The following CNNM1 variants were observed in gnomAD, a reference collection of about 807,000 sequenced individuals.
The protein encoded by CNNM1 is metal transporter CNNM1.
Under a neutral mutation model 78.8 loss-of-function variants are expected in CNNM1, and 44 were observed. The observed-to-expected ratio is 0.56, with a 90% CI of 0.44 to 0.72. The LOEUF (loss-of-function observed/expected upper bound fraction) is 0.72. Ranked by LOEUF, CNNM1 falls within the 30% of genes least tolerant of loss-of-function variation. The pLI is 0.00. For missense variants in CNNM1, 1,101 were observed against 1,292.2 expected (o/e 0.85, Z 2.27); for synonymous variants, 584 against 581.5 (o/e 1.00, Z -0.06).
At chr10:99,372,993 C>A (rs2031852984) in intron 6 of CNNM1, among the ~76,000 whole-genome samples, 1 of 152,108 alleles carries the variant, frequency 6.6e-6, no homozygotes, top group African/African-American at 2.4e-5. Flanking sequence ...CTCCTCCCAG[C>A]ACAATAGTGA....
intron 10 of CNNM1, 92 bp from the exon 11 acceptor site, chr10:99,391,345 C>T (rs2032466292): frequency 2.1e-6 from 2 of 939,690 alleles, no homozygotes; most frequent in East Asian, 5.2e-5. Context: ...GTCTCCATTT[C>T]TGCTTCTGTT....
intron 9 of CNNM1, among the ~76,000 whole-genome samples, chr10:99,389,318 G>C (rs968432039): frequency 6.6e-6 from 1 of 150,884 alleles, no homozygotes; most frequent in African/African-American, 2.4e-5. Flanking sequence ...TCGGAAGGCT[G>C]AGGCAGGAGA....
intron 6 of CNNM1, among the ~76,000 whole-genome samples, chr10:99,371,163 C>T (rs537677177): frequency 1.3e-5 from 2 of 152,248 alleles, no homozygotes; most frequent in East Asian, 1.9e-4. Flanking sequence ...ATCTGGTGCT[C>T]GCACTAGATT....
intron 1 of CNNM1, among the ~76,000 whole-genome samples, chr10:99,340,457 C>T (rs2030389919): frequency 6.6e-6 from 1 of 152,140 alleles, no homozygotes; most frequent in African/African-American, 2.4e-5. Context: ...TGAAGAATAT[C>T]ATAGCTCATC....
At chr10:99,335,323 G>T (rs767278300) in intron 1 of CNNM1, among the ~76,000 whole-genome samples, 2 of 152,132 alleles carry the variant, frequency 1.3e-5, no homozygotes, top group Non-Finnish European at 2.9e-5. Context: ...AGAGGAAAAT[G>T]GTCTTTCACA....
intron 1 of CNNM1, among the ~76,000 whole-genome samples, chr10:99,352,404 A>G (rs1254934838): frequency 2.6e-5 from 4 of 152,234 alleles, no homozygotes; most frequent in Admixed American, 2.0e-4. Flanking sequence ...TCATTTCTCT[A>G]AAAGTAGAAT....
intron 1 of CNNM1, among the ~76,000 whole-genome samples, chr10:99,351,603 C>T (rs2030951620): frequency 1.3e-5 from 2 of 152,098 alleles, no homozygotes; most frequent in African/African-American, 2.4e-5. Context: ...AGGCCAACAG[C>T]TCTTTGTTCT....
At chr10:99,344,712 C>T (rs1385489011) in intron 1 of CNNM1, among the ~76,000 whole-genome samples, 1 of 152,136 alleles carries the variant, frequency 6.6e-6, no homozygotes, top group African/African-American at 2.4e-5. Context: ...AAAAACCTGA[C>T]CATTTAAACA....
chr10:99,356,483 AG>A (rs2031152079), intron 1 of CNNM1, among the ~76,000 whole-genome samples: 1 of 48,682 alleles, frequency 2.1e-5, no homozygotes, highest in East Asian at 6.9e-4. Context: ...TCAGAAAGAA[AG>A]AAAGAGAGAG....
intron 1 of CNNM1, among the ~76,000 whole-genome samples, chr10:99,339,680 C>T (rs2030352923): frequency 6.6e-6 from 1 of 152,172 alleles, no homozygotes; most frequent in African/African-American, 2.4e-5. Flanking sequence ...TCATCTTCCA[C>T]AAAAGCTGTC....
At chr10:99,340,703 C>T (rs969790649) in intron 1 of CNNM1, among the ~76,000 whole-genome samples, 1 of 151,810 alleles carries the variant, frequency 6.6e-6, no homozygotes, top group African/African-American at 2.4e-5. Context: ...TCTTTTCTTT[C>T]TTTCTCTCTC....
chr10:99,364,271 T>C, intron 4 of CNNM1, 146 bp from the exon 5 acceptor site: 2 of 605,716 alleles, frequency 3.3e-6, no homozygotes. Flanking sequence ...CACATGTAAA[T>C]CTGGAGAGAA....
intron 6 of CNNM1, among the ~76,000 whole-genome samples, chr10:99,370,133 C>T (rs767836357): frequency 7.9e-5 from 12 of 152,152 alleles, no homozygotes; most frequent in Non-Finnish European, 1.3e-4. Context: ...CAATGTCAGA[C>T]AGAGATGAAA....
At chr10:99,377,541 A>C (rs531727233) in intron 7 of CNNM1, among the ~76,000 whole-genome samples, 1 of 152,252 alleles carries the variant, frequency 6.6e-6, no homozygotes, top group East Asian at 1.9e-4. Context: ...CATTGGCATC[A>C]GTTTGATTTT....
At chr10:99,331,071 A>G in intron 1 of CNNM1, 111 bp downstream of exon 1, 1 of 1,098,642 alleles carries the variant, frequency 9.1e-7, no homozygotes, top group Non-Finnish European at 1.3e-6. Flanking sequence ...CTATGGTACT[A>G]AAAACCCAAG....
chr10:99,350,495 G>C (rs551396797), intron 1 of CNNM1, among the ~76,000 whole-genome samples: 16 of 152,296 alleles, frequency 1.1e-4, no homozygotes, highest in African/African-American at 3.9e-4. Flanking sequence ...GAGTCCTTGA[G>C]AGCTCTTATC....
chr10:99,335,428 C>G (rs1169045402), intron 1 of CNNM1, among the ~76,000 whole-genome samples: 1 of 152,202 alleles, frequency 6.6e-6, no homozygotes, highest in Non-Finnish European at 1.5e-5. Flanking sequence ...ATTTTGTATT[C>G]TCAGGACAAG....
chr10:99,384,548 A>G (rs2032251691), intron 7 of CNNM1, among the ~76,000 whole-genome samples: 1 of 151,834 alleles, frequency 6.6e-6, no homozygotes, highest in Non-Finnish European at 1.5e-5. Context: ...GGCCGTCTGA[A>G]TCTTCTCTTT....
intron 7 of CNNM1, 103 bp downstream of exon 7, chr10:99,377,321 C>T (rs1334185575): frequency 9.0e-7 from 1 of 1,116,188 alleles, no homozygotes; most frequent in Non-Finnish European, 1.3e-6. Flanking sequence ...ATGTGTGCAC[C>T]ATTCCCCTGT....
Sources: gnomAD v4.1 joint callset for allele counts (sites outside exome capture counted in the v4.1 genomes callset) on GRCh38, gnomAD v4.1.1 for gene constraint, MANE v1.5 for transcripts, NCBI Gene and HGNC (gene_info 2026-07-23, HGNC 2026-07-21) for gene names.